The following CCDC171 variants were observed in gnomAD, a reference collection of about 807,000 sequenced individuals.
CCDC171 encodes coiled-coil domain-containing protein 171.
In CCDC171, 177 loss-of-function variants were observed where a neutral mutation model predicts 168.2. That is an observed-to-expected ratio of 1.05 (90% confidence interval 0.93 to 1.19). The LOEUF is 1.19. Among genes scored for constraint, CCDC171 ranks in the 50% most tolerant of loss-of-function variants. The probability of loss-of-function intolerance (pLI) is 0.00; values close to 1 mark genes in which losing one functional copy is unlikely to be tolerated. For missense variants in CCDC171, 1,991 were observed against 1,539.0 expected (o/e 1.29, Z -4.91); for synonymous variants, 687 against 540.8 (o/e 1.27, Z -3.75).
At chr9:15,749,896 A>G (rs923321749) in intron 18 of CCDC171, among the ~76,000 whole-genome samples, 2 of 152,202 alleles carry the variant, frequency 1.3e-5, no homozygotes, top group African/African-American at 4.8e-5. Flanking sequence ...ACACCCTAAC[A>G]TCACAATTAA....
At position 15,724,978 on chromosome 9, in the gene CCDC171, T is replaced by G. The variant is rs1385362044; in HGVS notation, c.1692+2T>G. The G allele has an allele frequency of 6.2e-7, 1 of 1,611,034 alleles. No homozygotes were observed. The highest frequency in any genetic ancestry group is 8.5e-7 in the Non-Finnish European group (1 of 1,177,356). ...CAGGCTTTCCATAAGGATGCAGAGG[T>G]ATTACCTGAGACTCAATGACTGTCA... is the stretch of plus-strand genomic sequence containing the variant. On this transcript the variant is annotated splice_donor_variant, in intron 14 of 25. Transcript: ENST00000380701. LOFTEE classifies it high-confidence loss of function.
intron 21 of CCDC171, among the ~76,000 whole-genome samples, chr9:15,807,334 GA>G (rs1252440258): frequency 6.6e-6 from 1 of 152,186 alleles, no homozygotes; most frequent in Non-Finnish European, 1.5e-5. Context: ...CTCTTGCCAT[GA>G]CTTGTAATTT....
At chr9:16,020,518 G>A (rs1375242132) in intron 3 of CCDC171, 2 of 154,234 alleles carry the variant, frequency 1.3e-5, no homozygotes, top group African/African-American at 2.4e-5. Flanking sequence ...TCCTTATTAA[G>A]TGGAAAGCAT....
At position 15,564,041 on chromosome 9, in the gene CCDC171, T is replaced by TA; in HGVS notation, c.-47dup. On this transcript the variant is annotated 5_prime_UTR_variant, in exon 2 of 26. In the 5' UTR this introduces an upstream ATG that the reference lacks. Coordinates refer to ENST00000380701, the MANE Select transcript of CCDC171 (RefSeq NM_173550.4). ...GCAATTTTAATCATCAAGAAAGAAATATGTCATTAAGAAATAGCAGGGTAT... is the reference window on the plus strand; with the variant it reads ...GCAATTTTAATCATCAAGAAAGAAATAATGTCATTAAGAAATAGCAGGGTAT... 1 of 1,451,936 alleles carries TA rather than the reference T, an allele frequency of 6.9e-7. No individual in the cohort carries two copies. Among genetic ancestry groups the TA allele is most frequent in the Non-Finnish European group, 9.6e-7 (1 of 1,041,094 alleles). 89.9% of individuals were successfully genotyped at this position (1,451,936 alleles called of 1,614,324 possible).
intron 24 of CCDC171, chr9:15,887,799 C>T (rs1160759090): frequency 6.6e-6 from 1 of 151,936 alleles, no homozygotes; most frequent in African/African-American, 2.4e-5. Flanking sequence ...ACTCAAAAGA[C>T]TTGCCAATAC....
At chr9:15,632,639 A>G (rs992897877) in intron 7 of CCDC171, among the ~76,000 whole-genome samples, 7 of 152,186 alleles carry the variant, frequency 4.6e-5, no homozygotes, top group Non-Finnish European at 2.9e-5. Flanking sequence ...TCAAGCTACC[A>G]ATGACTTTCT....
intron 4 of CCDC171, among the ~76,000 whole-genome samples, chr9:15,582,671 C>G (rs866519967): frequency 6.6e-6 from 1 of 152,056 alleles, no homozygotes; most frequent in African/African-American, 2.4e-5. Flanking sequence ...TCTCCACAAA[C>G]TAACACAAGA....
At chr9:15,965,801 T>C (rs1004430028) in intron 25 of CCDC171, among the ~76,000 whole-genome samples, 2 of 152,194 alleles carry the variant, frequency 1.3e-5, no homozygotes, top group East Asian at 1.9e-4. Flanking sequence ...CTCACACAGG[T>C]TAAGTAACTT....
chr9:16,081,259 C>T, the CCDC171 span, among the ~76,000 whole-genome samples: 3 of 152,154 alleles, frequency 2.0e-5, no homozygotes, highest in Non-Finnish European at 4.4e-5. Context: ...CCCTTATACC[C>T]AATGCAGCCC....
intron 23 of CCDC171, among the ~76,000 whole-genome samples, chr9:15,865,040 A>T (rs1046571621): frequency 6.6e-6 from 1 of 152,098 alleles, no homozygotes; most frequent in Non-Finnish European, 1.5e-5. Context: ...ATCGTAAATC[A>T]TCTAAAAGAT....
chr9:15,750,781 T>C (rs1433246301), intron 18 of CCDC171, among the ~76,000 whole-genome samples: 1 of 152,100 alleles, frequency 6.6e-6, no homozygotes, highest in Non-Finnish European at 1.5e-5. Context: ...ACGTATCTCA[T>C]AATAATAAGA....
intron 10 of CCDC171, among the ~76,000 whole-genome samples, chr9:15,691,105 T>C (rs748361775): frequency 6.6e-6 from 1 of 152,160 alleles, no homozygotes; most frequent in Non-Finnish European, 1.5e-5. Context: ...GTAGATATAC[T>C]TAACGTACAT....
intron 21 of CCDC171, among the ~76,000 whole-genome samples, chr9:15,788,697 A>C (rs535866006): frequency 6.6e-6 from 1 of 151,910 alleles, no homozygotes; most frequent in South Asian, 2.1e-4. Flanking sequence ...CTACAGACAC[A>C]TGCCACCACA....
intron 2 of CCDC171, among the ~76,000 whole-genome samples, chr9:15,569,823 A>C (rs10962074): frequency 1.4e-4 from 16 of 112,002 alleles, no homozygotes; most frequent in South Asian, 1.3e-3. Flanking sequence ...TCAAAAAAAA[A>C]CAAAAAACAA....
At chr9:15,927,334 A>T (rs1468389219) in intron 25 of CCDC171, among the ~76,000 whole-genome samples, 1 of 151,654 alleles carries the variant, frequency 6.6e-6, no homozygotes, top group Non-Finnish European at 1.5e-5. Context: ...TTTGAGTCCC[A>T]TACAGCCCAG....
At chr9:16,066,572 T>C (rs1361781733), downstream of CCDC171, among the ~76,000 whole-genome samples, 1 of 149,816 alleles carries the variant, frequency 6.7e-6, no homozygotes. Flanking sequence ...TAACTCGTCA[T>C]CTAGCATTAG....
rs1016410345 is a variant in CCDC171, at chr9:15,848,449, A to G, written c.3414-444A>G. 4.6e-5 allele frequency among the ~76,000 whole-genome samples: 7 copies of G among 152,042 alleles called. No individual in the cohort carries two copies. In the South Asian group the frequency reaches 1.0e-3, roughly 23 times the overall value. On this transcript the variant is annotated intron_variant, in intron 22 of 25. Transcript: ENST00000380701. ...CATAAAAAGAATGTGTGGAAAGGAA[A>G]ATACTATTTTGCATAGCATGGTCAT...
At chr9:15,634,329 C>G (rs1233127091) in intron 7 of CCDC171, among the ~76,000 whole-genome samples, 1 of 151,848 alleles carries the variant, frequency 6.6e-6, no homozygotes, top group East Asian at 1.9e-4. Flanking sequence ...GGTCTTTTCT[C>G]TGTATTTCTT....
chr9:15,618,345 C>G (rs1258960324), intron 6 of CCDC171, among the ~76,000 whole-genome samples: 4 of 152,174 alleles, frequency 2.6e-5, no homozygotes, highest in Non-Finnish European at 4.4e-5. Flanking sequence ...ACGAAAGCCT[C>G]AGTAATGGCG....
Sources: allele counts gnomAD v4.1 joint callset (sites outside exome capture counted in the v4.1 genomes callset), GRCh38; gene constraint gnomAD v4.1.1; transcripts MANE v1.5; gene names NCBI Gene and HGNC (gene_info 2026-07-23, HGNC 2026-07-21).